Variants in ZNF608 observed in about 807,000 individuals in gnomAD.
The protein encoded by ZNF608 is renal carcinoma antigen NY-REN-36.
ZNF608 carries 12 observed loss-of-function variants against 109.0 expected under a neutral mutation model. That is an observed-to-expected ratio of 0.11 (90% CI 0.07 to 0.18). ZNF608 has a LOEUF of 0.18. Among genes scored for constraint, ZNF608 ranks in the 10% least tolerant of loss-of-function variants. The pLI, the probability that ZNF608 is intolerant of heterozygous loss-of-function variation, is 1.00. For missense variants in ZNF608, 1,707 were observed against 1,879.3 expected, an observed-to-expected ratio of 0.91 and a Z score of 1.70; for synonymous variants, 732 against 717.4, an observed-to-expected ratio of 1.02 and a Z score of -0.33.
chr5:124,699,643 T>C (rs1047288143), intron 3 of ZNF608, among the ~76,000 whole-genome samples: 4 of 152,234 alleles, frequency 2.6e-5, no homozygotes, highest in African/African-American at 7.2e-5. Flanking sequence ...ACGAAACATA[T>C]CGCACAAGAG....
Position 124,701,097 on chromosome 5 carries a change from A to G in ZNF608, c.1079T>C (p.Val360Ala). 1 of 1,614,164 alleles carries G rather than the reference A, an allele frequency of 6.2e-7. No individual in the cohort carries two copies. The highest frequency in any genetic ancestry group is 8.5e-7 in the Non-Finnish European group (1 of 1,180,024). ...GGGCCCAAGACACTCTGGCTCTGTC[A>G]CTACTCCAACTTCACATGTATTGAC... Reference protein sequence around the residue: ...VGVNTCEVGVVTEPECLGPCE... With the variant: ...VGVNTCEVGVATEPECLGPCE... Residue 360 changes from valine (V) to alanine (A), a missense_variant, in exon 3 of 10, where the codon GTG (valine) becomes GCG (alanine). By Grantham distance (64) the Val-to-Ala change is moderately conservative. Around this residue, in one of 7 missense-constraint regions of ZNF608, gnomAD observed 407 missense variants for 398.7 expected, o/e 1.02. Coordinates refer to ENST00000513986, the MANE Select transcript of ZNF608 (RefSeq NM_020747.3).
intron 2 of ZNF608, among the ~76,000 whole-genome samples, chr5:124,716,606 CTT>C (rs1753713862): frequency 6.6e-6 from 1 of 152,118 alleles, no homozygotes; most frequent in African/African-American, 2.4e-5. Context: ...TCTTACATGA[CTT>C]TTGTTTTGGT....
In ZNF608 at chr5:124,746,523, G is replaced by T. The variant is rs1269851449; in HGVS notation, c.-512C>A. The T allele has an allele frequency of 8.1e-6, 8 of 985,252 alleles. No homozygotes were observed. The highest frequency in any genetic ancestry group is 9.6e-6 in the Non-Finnish European group (8 of 829,860). The allele number at this position is 985,252 out of a possible 1,614,324, so 61.0% of individuals were successfully genotyped here. ...GAGAATAATAGTTTTTTAAAAAACA[G>T]AGAGTTTAGAGAAAAAAGTTTTCCC... On this transcript the variant is annotated 5_prime_UTR_variant, in exon 1 of 10. The change creates a new upstream start codon in the 5' untranslated region. Transcript: ENST00000513986.
At chr5:124,719,826 G>A (rs918848850) in intron 2 of ZNF608, among the ~76,000 whole-genome samples, 1 of 152,142 alleles carries the variant, frequency 6.6e-6, no homozygotes, top group African/African-American at 2.4e-5. Context: ...ACCTACCTAG[G>A]AGATGAGAAC....
intron 5 of ZNF608, among the ~76,000 whole-genome samples, chr5:124,645,917 T>C (rs539821933): frequency 1.9e-4 from 29 of 152,262 alleles, no homozygotes; most frequent in African/African-American, 7.0e-4. Flanking sequence ...GAAATGTGAA[T>C]TCAGGGACCC....
chr5:124,692,755 C>T (rs1752672931), intron 3 of ZNF608, among the ~76,000 whole-genome samples: 1 of 152,176 alleles, frequency 6.6e-6, no homozygotes, highest in African/African-American at 2.4e-5. Flanking sequence ...TGCTGCCTGG[C>T]ACAGATGAAT....
Position 124,697,370 on chromosome 5 carries a change from A to AT in ZNF608, c.1162+3643dup, listed in dbSNP as rs5871100. ...CATGTTTTTTCTGGTTTGTTTTGTTATTTTTTTTTTAAAGAGCAAATTTTC... is the reference window on the plus strand; with the variant it reads ...CATGTTTTTTCTGGTTTGTTTTGTTATTTTTTTTTTTAAAGAGCAAATTTTC... On this transcript the variant is annotated intron_variant, in intron 3 of 9. Coordinates refer to ENST00000513986, the MANE Select transcript of ZNF608 (RefSeq NM_020747.3). 4.0e-3 allele frequency among the ~76,000 whole-genome samples: 603 copies of AT among 149,380 alleles called. 6 individuals are homozygous for AT. Among genetic ancestry groups the AT allele is most frequent in the African/African-American group, 0.014 (576 of 40,830 alleles).
At chr5:124,665,235 A>T (rs1173512009) in intron 3 of ZNF608, among the ~76,000 whole-genome samples, 1 of 152,046 alleles carries the variant, frequency 6.6e-6, no homozygotes, top group Non-Finnish European at 1.5e-5. Flanking sequence ...CTTGAAACTG[A>T]CCACGGTGGT....
At chr5:124,679,018 G>A (rs12655557) in intron 3 of ZNF608, among the ~76,000 whole-genome samples, 19,500 of 152,172 alleles carry the variant, frequency 0.13, 1,334 homozygotes, top group East Asian at 0.19. Context: ...AGCTACTGCC[G>A]GGGAAGCCAA....
chr5:124,656,502 G>A (rs577207890), intron 3 of ZNF608, among the ~76,000 whole-genome samples: 2 of 152,080 alleles, frequency 1.3e-5, no homozygotes, highest in Admixed American at 6.6e-5. Flanking sequence ...GTTTGTTTAT[G>A]GGAGGGTAGT....
chr5:124,730,876 G>A (rs540876968), intron 2 of ZNF608, among the ~76,000 whole-genome samples: 2 of 152,148 alleles, frequency 1.3e-5, no homozygotes, highest in South Asian at 4.1e-4. Context: ...TGTATTTCGG[G>A]GGGTTGTTTT....
intron 3 of ZNF608, among the ~76,000 whole-genome samples, chr5:124,660,904 G>T (rs544611296): frequency 6.6e-6 from 1 of 152,036 alleles, no homozygotes; most frequent in African/African-American, 2.4e-5. Context: ...AAGCCCTCCC[G>T]CATTCCTCCC....
intron 3 of ZNF608, among the ~76,000 whole-genome samples, chr5:124,682,972 A>G (rs1752254529): frequency 6.6e-6 from 1 of 152,100 alleles, no homozygotes; most frequent in Admixed American, 6.5e-5. Context: ...CATTTCTAAC[A>G]TTAAGTTATT....
chr5:124,680,839 T>C (rs914679571), intron 3 of ZNF608, among the ~76,000 whole-genome samples: 1 of 151,888 alleles, frequency 6.6e-6, no homozygotes, highest in African/African-American at 2.4e-5. Context: ...AAGAGAGCAA[T>C]GCCAATAACC....
At chr5:124,651,026 C>T (rs1428179920) in intron 3 of ZNF608, among the ~76,000 whole-genome samples, 1 of 152,162 alleles carries the variant, frequency 6.6e-6, no homozygotes, top group African/African-American at 2.4e-5. Flanking sequence ...AATTGTTTCC[C>T]ATATGGTCTA....
At chr5:124,745,923 A>C (rs1041386263) in intron 1 of ZNF608, 1 of 161,490 alleles carries the variant, frequency 6.2e-6, no homozygotes, top group Non-Finnish European at 1.3e-5. Flanking sequence ...TTGAGAAAAA[A>C]ATACATTTAA....
intron 2 of ZNF608, among the ~76,000 whole-genome samples, chr5:124,711,194 G>A (rs1753474394): frequency 1.3e-5 from 2 of 152,168 alleles, no homozygotes; most frequent in African/African-American, 4.8e-5. Flanking sequence ...CCCACCTTGA[G>A]AACACAGCAG....
At chr5:124,654,507 C>G (rs763826759) in intron 3 of ZNF608, among the ~76,000 whole-genome samples, 3 of 152,116 alleles carry the variant, frequency 2.0e-5, no homozygotes, top group Non-Finnish European at 4.4e-5. Flanking sequence ...GAATCCTTGC[C>G]CTAGACACAC....
chr5:124,703,173 G>A lies in ZNF608; in HGVS notation c.907-1904C>T, dbSNP rs1240453264. On this transcript the variant is annotated intron_variant, in intron 2 of 9. Coordinates refer to ENST00000513986, the MANE Select transcript of ZNF608 (RefSeq NM_020747.3). ...CAATTCGATGTCACATGTATAAATT[G>A]AAAAGAAAAAATAGAACATTATTCT... 2.6e-5 allele frequency among the ~76,000 whole-genome samples: 4 copies of A among 151,316 alleles called. No individual in the cohort carries two copies. The East Asian group carries it at 5.8e-4, about 22-fold the overall frequency.
Sources: allele counts gnomAD v4.1 joint callset (sites outside exome capture counted in the v4.1 genomes callset), GRCh38; gene constraint gnomAD v4.1.1; regional missense constraint gnomAD v4.1.1; transcripts MANE v1.5; gene names NCBI Gene and HGNC (gene_info 2026-07-23, HGNC 2026-07-21).